The following TMEM135 variants were observed in gnomAD, a reference collection of about 807,000 sequenced individuals.
The protein encoded by TMEM135 is peroxisomal membrane protein 52.
Under a neutral mutation model 60.3 loss-of-function variants are expected in TMEM135, and 30 were observed. The ratio of observed to expected loss-of-function variants is 0.50; its 90% CI spans 0.37 to 0.68. The LOEUF (loss-of-function observed/expected upper bound fraction) is 0.68, where lower values mean the gene tolerates loss of function less well. Among genes scored for constraint, TMEM135 ranks in the 30% least tolerant of loss-of-function variants. The pLI is 0.00. For synonymous variants in TMEM135, 190 were observed against 186.7 expected, an observed-to-expected ratio of 1.02 and a Z score of -0.14; for missense variants, 468 against 548.8, an observed-to-expected ratio of 0.85 and a Z score of 1.47.
intron 4 of TMEM135, among the ~76,000 whole-genome samples, chr11:87,113,143 G>T (rs1857796244): frequency 6.6e-6 from 1 of 152,028 alleles, no homozygotes; most frequent in African/African-American, 2.4e-5. Flanking sequence ...GCAAATAGAA[G>T]ATGAAAAGTC....
intron 5 of TMEM135, among the ~76,000 whole-genome samples, chr11:87,197,802 C>T (rs980835744): frequency 2.0e-5 from 3 of 151,924 alleles, no homozygotes; most frequent in Non-Finnish European, 4.4e-5. Context: ...GAAAAAGTTA[C>T]TAAAAAGTTT....
At chr11:87,313,579 G>A in intron 11 of TMEM135, 91 bp downstream of exon 11, 1 of 1,108,416 alleles carries the variant, frequency 9.0e-7, no homozygotes, top group Non-Finnish European at 1.4e-6. Context: ...CAATTTCTAT[G>A]AATCTTCCTT....
intron 4 of TMEM135, among the ~76,000 whole-genome samples, chr11:87,145,395 G>T (rs655778): frequency 0.37 from 55,867 of 151,940 alleles, 10,806 homozygotes; most frequent in East Asian, 0.67. Flanking sequence ...GAACATAGGG[G>T]TGCAGACATC....
intron 4 of TMEM135, among the ~76,000 whole-genome samples, chr11:87,156,210 C>G (rs618926): frequency 0.37 from 56,053 of 151,890 alleles, 10,878 homozygotes; most frequent in East Asian, 0.67. Flanking sequence ...TGTTCTATTC[C>G]ATTGTCTTAG....
At chr11:87,152,201 C>A (rs1325551293) in intron 4 of TMEM135, among the ~76,000 whole-genome samples, 1 of 152,142 alleles carries the variant, frequency 6.6e-6, no homozygotes, top group East Asian at 1.9e-4. Context: ...CTTGTTCATG[C>A]TCCAAAGTTT....
intron 12 of TMEM135, among the ~76,000 whole-genome samples, chr11:87,315,432 C>T (rs758917121): frequency 1.3e-5 from 2 of 151,802 alleles, no homozygotes; most frequent in African/African-American, 2.4e-5. Flanking sequence ...CATCACATGA[C>T]GAGGCACAAA....
chr11:87,111,619 C>T (rs1172723718), intron 4 of TMEM135, among the ~76,000 whole-genome samples: 1 of 147,944 alleles, frequency 6.8e-6, no homozygotes, highest in Admixed American at 6.8e-5. Context: ...CCACTGCACT[C>T]CAGCCTGGGC....
intron 3 of TMEM135, among the ~76,000 whole-genome samples, chr11:87,078,262 A>G (rs754602816): frequency 3.3e-5 from 5 of 152,170 alleles, no homozygotes; most frequent in Non-Finnish European, 7.3e-5. Context: ...TGTCTTTCTG[A>G]TGATAGTCAT....
chr11:87,265,583 A>G (rs1445613344), intron 6 of TMEM135, among the ~76,000 whole-genome samples: 1 of 152,060 alleles, frequency 6.6e-6, no homozygotes, highest in African/African-American at 2.4e-5. Flanking sequence ...AATAATTGGT[A>G]TGCACCTTTT....
chr11:87,262,821 A>G (rs1256333384), intron 6 of TMEM135, among the ~76,000 whole-genome samples: 1 of 141,034 alleles, frequency 7.1e-6, no homozygotes, highest in Non-Finnish European at 1.6e-5. Flanking sequence ...ATTTGTTTCT[A>G]TTAACATTGT....
chr11:87,165,670 T>C (rs1939017011), intron 5 of TMEM135, among the ~76,000 whole-genome samples: 1 of 151,418 alleles, frequency 6.6e-6, no homozygotes, highest in African/African-American at 2.4e-5. Flanking sequence ...CATCTGGTCC[T>C]GGACTCTTTA....
At chr11:87,079,849 T>C (rs1333129820) in intron 3 of TMEM135, among the ~76,000 whole-genome samples, 19 of 147,662 alleles carry the variant, frequency 1.3e-4, no homozygotes, top group African/African-American at 4.5e-4. Context: ...TTTTCTTTTT[T>C]TTTTTTTTTT....
intron 2 of TMEM135, among the ~76,000 whole-genome samples, chr11:87,070,585 G>A (rs190950824): frequency 3.0e-4 from 46 of 151,910 alleles, no homozygotes; most frequent in African/African-American, 1.1e-3. Flanking sequence ...GCAGTGAGCC[G>A]AGACTGCACC....
At chr11:87,042,402 T>C (rs1189732365) in intron 1 of TMEM135, among the ~76,000 whole-genome samples, 2 of 152,180 alleles carry the variant, frequency 1.3e-5, no homozygotes, top group Non-Finnish European at 2.9e-5. Context: ...AGTTTTTACA[T>C]GGAAAGGCAA....
chr11:87,223,697 A>ACACACACACACACACACAC (rs1565492140), intron 5 of TMEM135, among the ~76,000 whole-genome samples: 2 of 150,096 alleles, frequency 1.3e-5, no homozygotes, highest in African/African-American at 5.0e-5. Context: ...ACACACACAC[A>ACACACACACACACACACAC]AAATTAGCTG....
At chr11:87,215,510 T>C (rs890003086) in intron 5 of TMEM135, among the ~76,000 whole-genome samples, 1 of 152,200 alleles carries the variant, frequency 6.6e-6, no homozygotes, top group Admixed American at 6.5e-5. Context: ...TTCTCTGTCA[T>C]TGTTGCCTCT....
intron 5 of TMEM135, among the ~76,000 whole-genome samples, chr11:87,202,012 A>ATGTT (rs1565484440): frequency 0.033 from 797 of 24,118 alleles, 16 homozygotes; most frequent in East Asian, 0.075. Flanking sequence ...TATGTTATGT[A>ATGTT]ATGTTATGTT....
chr11:87,069,798 T>C (rs1402645596), intron 2 of TMEM135, among the ~76,000 whole-genome samples: 7 of 152,226 alleles, frequency 4.6e-5, no homozygotes, highest in Admixed American at 6.5e-5. Flanking sequence ...GGAAGGTTTC[T>C]GATGTCCATG....
intron 1 of TMEM135, among the ~76,000 whole-genome samples, chr11:87,046,148 G>T (rs955056384): frequency 6.6e-6 from 1 of 152,226 alleles, no homozygotes; most frequent in Non-Finnish European, 1.5e-5. Context: ...GCTCATGCCT[G>T]TAATACCAGC....
Sources: allele counts gnomAD v4.1 joint callset (sites outside exome capture counted in the v4.1 genomes callset), GRCh38; gene constraint gnomAD v4.1.1; transcripts MANE v1.5; gene names NCBI Gene and HGNC (gene_info 2026-07-23, HGNC 2026-07-21).